Variants in ETNPPL observed in about 807,000 individuals in gnomAD.
The protein encoded by ETNPPL is ethanolamine-phosphate phospho-lyase.
In ETNPPL, 30 loss-of-function variants were observed where a neutral mutation model predicts 55.5. The observed-to-expected ratio is 0.54, with a 90% CI of 0.40 to 0.73. The LOEUF (loss-of-function observed/expected upper bound fraction) is 0.73, where lower values mean the gene tolerates loss of function less well. ETNPPL is among the 30% of genes least tolerant of loss of function. ETNPPL has a pLI of 0.00. For missense variants in ETNPPL, 528 were observed against 607.9 expected (o/e 0.87, Z 1.38); for synonymous variants, 202 against 207.2 (o/e 0.98, Z 0.21).
intron 1 of ETNPPL, among the ~76,000 whole-genome samples, chr4:108,760,728 T>C (rs1578397755): frequency 3.3e-5 from 5 of 152,302 alleles, no homozygotes; most frequent in African/African-American, 1.2e-4. Flanking sequence ...AACAATCCTA[T>C]GAAAGAGAGG....
At chr4:108,762,155 A>T (rs1729535683) in intron 1 of ETNPPL, 1 of 279,546 alleles carries the variant, frequency 3.6e-6, no homozygotes, top group South Asian at 3.6e-5. Context: ...TATGACATCC[A>T]ACGAGAGCTA....
intron 3 of ETNPPL, 60 bp from the exon 4 acceptor site, chr4:108,756,552 A>T: frequency 7.6e-7 from 1 of 1,313,252 alleles, no homozygotes; most frequent in East Asian, 2.3e-5. Context: ...AACATTTAGG[A>T]TGTGCCAGGC....
intron 5 of ETNPPL, 117 bp from the exon 6 acceptor site, chr4:108,753,128 T>A (rs951835534): frequency 3.2e-6 from 2 of 625,980 alleles, no homozygotes; most frequent in African/African-American, 3.7e-5. Context: ...TAAGATACTT[T>A]AGGTTTTTTT....
chr4:108,753,767 A>AGAAAGAAAGAAAGAAAGAAG (rs1729035721), intron 5 of ETNPPL, among the ~76,000 whole-genome samples: 4 of 133,940 alleles, frequency 3.0e-5, no homozygotes, highest in Non-Finnish European at 6.1e-5. Flanking sequence ...AAAGAAAGAA[A>AGAAAGAAAGAAAGAAAGAAG]GAAAGAAAGA....
At chr4:108,760,386 G>A (rs1314373276) in intron 1 of ETNPPL, 80 bp from the exon 2 acceptor site, 11 of 689,930 alleles carry the variant, frequency 1.6e-5, no homozygotes, top group Middle Eastern at 2.9e-4. Flanking sequence ...GTCCCCATCA[G>A]TGGAAAAGTA....
chr4:108,743,611 T>A (rs2125668951), intron 12 of ETNPPL, among the ~76,000 whole-genome samples, 178 bp downstream of exon 12: 1 of 152,366 alleles, frequency 6.6e-6, no homozygotes, highest in South Asian at 2.1e-4. Context: ...CGTCAAATGA[T>A]GTGACACTTG....
chr4:108,746,744 G>A lies in ETNPPL; in HGVS notation c.1172+18C>T. On this transcript the variant is annotated intron_variant, in intron 10 of 12. Coordinates refer to ENST00000296486, the MANE Select transcript of ETNPPL (RefSeq NM_031279.4). ...CTGCAGCCAAGATACCAAACAGGTGGGTGTGGGGGTGAATTACTTGTAGAT... is the reference window on the plus strand; with the variant it reads ...CTGCAGCCAAGATACCAAACAGGTGAGTGTGGGGGTGAATTACTTGTAGAT... 1 of 1,607,458 alleles carries A rather than the reference G, an allele frequency of 6.2e-7. No homozygotes were observed. Among genetic ancestry groups the A allele is most frequent in the Non-Finnish European group, 8.5e-7 (1 of 1,174,016 alleles).
chr4:108,759,789 G>A lies in ETNPPL; in HGVS notation c.295C>T (p.Leu99=). The A allele has an allele frequency of 6.2e-7, 1 of 1,614,168 alleles. No individual in the cohort carries two copies. The highest frequency in any genetic ancestry group is 1.1e-5 in the South Asian group (1 of 91,078). The stretch of plus-strand genomic sequence containing the variant: ...TAACAAACAGAGAGTTTCTCCGGCA[G>A]AGTTGCTGAAAGGCGTTTGGCATAC... ...VEYAKRLSAT[L]PEKLSVCYFT... is the part of the protein sequence containing the mutation. The change falls in exon 3 of 13, where the codon CTG becomes TTG. Residue 99 remains leucine (L), a synonymous_variant. Coordinates refer to ENST00000296486, the MANE Select transcript of ETNPPL (RefSeq NM_031279.4).
intron 8 of ETNPPL, among the ~76,000 whole-genome samples, 155 bp downstream of exon 8, chr4:108,749,083 T>G (rs1044175886): frequency 6.6e-6 from 1 of 152,090 alleles, no homozygotes; most frequent in African/African-American, 2.4e-5. Context: ...TATGTAAGTA[T>G]TTAAGATGTT....
At position 108,742,054 on chromosome 4, in the gene ETNPPL, A is replaced by G. The variant is rs556533070; in HGVS notation, c.*430T>C. The G allele has an allele frequency of 6.5e-6, 1 of 152,974 alleles. No homozygotes were observed. The highest frequency in any genetic ancestry group is 1.9e-4 in the East Asian group (1 of 5,216). The allele number at this position is 152,974 out of a possible 1,614,324, so 9.5% of individuals were successfully genotyped here. ...TTTTCTAGTAATTTTTTTTGTTTACATCATATTTTATTTTATTACAGTCAA... is the reference window on the plus strand; with the variant it reads ...TTTTCTAGTAATTTTTTTTGTTTACGTCATATTTTATTTTATTACAGTCAA... On this transcript the variant is annotated 3_prime_UTR_variant, in exon 13 of 13. Transcript: ENST00000296486.
At chr4:108,753,791 A>AGAAAGAAC (rs1729045761) in intron 5 of ETNPPL, among the ~76,000 whole-genome samples, 1 of 108,864 alleles carries the variant, frequency 9.2e-6, no homozygotes. Context: ...AAAGAAAGAA[A>AGAAAGAAC]GAAAGAAAGA....
At chr4:108,747,034 T>C (rs1196769996) in intron 9 of ETNPPL, among the ~76,000 whole-genome samples, 183 bp from the exon 10 acceptor site, 1 of 149,286 alleles carries the variant, frequency 6.7e-6, no homozygotes, top group East Asian at 1.9e-4. Flanking sequence ...CATCCAGTTT[T>C]CTTTTCTCAA....
At chr4:108,744,266 G>C (rs1160295715) in intron 11 of ETNPPL, among the ~76,000 whole-genome samples, 1 of 136,816 alleles carries the variant, frequency 7.3e-6, no homozygotes, top group East Asian at 2.1e-4. Context: ...GTCTCAAAAA[G>C]AAAAAAAAAA....
At chr4:108,748,229 A>T (rs1728719485) in intron 8 of ETNPPL, 70 bp from the exon 9 acceptor site, 10 of 1,220,946 alleles carry the variant, frequency 8.2e-6, no homozygotes, top group Admixed American at 2.7e-5. Flanking sequence ...ATCCATGAGA[A>T]ATTTGGCTCA....
intron 3 of ETNPPL, among the ~76,000 whole-genome samples, chr4:108,757,532 G>T (rs897041856): frequency 6.6e-6 from 1 of 152,150 alleles, no homozygotes; most frequent in South Asian, 2.1e-4. Context: ...TAGCAATTTG[G>T]TAGGCCAAGG....
At chr4:108,747,559 C>A (rs992159964) in intron 9 of ETNPPL, among the ~76,000 whole-genome samples, 1 of 151,690 alleles carries the variant, frequency 6.6e-6, no homozygotes, top group African/African-American at 2.4e-5. Flanking sequence ...CTCTGCCTCC[C>A]AAGGTGCTGG....
At chr4:108,754,800 A>G (rs2125679094) in intron 4 of ETNPPL, 90 bp from the exon 5 acceptor site, 3 of 782,650 alleles carry the variant, frequency 3.8e-6, no homozygotes, top group African/African-American at 1.7e-5. Flanking sequence ...CATTTCATCC[A>G]TATGCATCCA....
Position 108,746,856 on chromosome 4 carries a change from G to A in ETNPPL, c.1083-5C>T, listed in dbSNP as rs374735243. ...CCAATAAAAAGGCCAATGCCCCTGC[G>A]AGAGGTGAAGAAAAACTTGACCCAC... On this transcript the variant is annotated splice_region_variant and splice_polypyrimidine_tract_variant and intron_variant, in intron 9 of 12. Coordinates refer to ENST00000296486, the MANE Select transcript of ETNPPL (RefSeq NM_031279.4). 95 of 1,607,664 alleles carry A rather than the reference G, an allele frequency of 5.9e-5. No homozygotes were observed. The highest frequency in any genetic ancestry group is 7.7e-5 in the South Asian group (7 of 90,966).
At chr4:108,760,071 G>A in intron 2 of ETNPPL, 117 bp downstream of exon 2, 2 of 1,030,016 alleles carry the variant, frequency 1.9e-6, no homozygotes, top group Admixed American at 2.0e-5. Context: ...AGGACTACTG[G>A]CCCACTCAGC....
Sources: allele counts gnomAD v4.1 joint callset (sites outside exome capture counted in the v4.1 genomes callset), GRCh38; gene constraint gnomAD v4.1.1; transcripts MANE v1.5; gene names NCBI Gene and HGNC (gene_info 2026-07-23, HGNC 2026-07-21).